Variants in FAM177B observed in about 807,000 individuals in gnomAD.
The protein encoded by FAM177B is family with sequence similarity 177 member B, also known as protein FAM177B.
FAM177B carries 16 observed loss-of-function variants against 16.1 expected under a neutral mutation model. The observed-to-expected ratio is 0.99, with a 90% CI of 0.67 to 1.51. The LOEUF (loss-of-function observed/expected upper bound fraction) is 1.51, where lower values mean the gene tolerates loss of function less well. Among genes scored for constraint, FAM177B ranks in the 40% most tolerant of loss-of-function variants. The pLI, the probability that FAM177B is intolerant of heterozygous loss-of-function variation, is 0.00. For missense variants in FAM177B, 178 were observed against 183.7 expected (o/e 0.97, Z 0.18); for synonymous variants, 56 against 59.9 (o/e 0.93, Z 0.30).
rs765237569 is a variant in FAM177B at position 222,749,452 on chromosome 1, T to C, written c.242-13T>C. On this transcript the variant is annotated splice_polypyrimidine_tract_variant and intron_variant, in intron 4 of 5. Coordinates refer to ENST00000445590, the MANE Select transcript of FAM177B (RefSeq NM_001394345.1). ...GTAATTCAGTTTACGCAAGTGCTCGTTCTTTCTTTTAGCATGTGAATTCCT... is the reference window on the plus strand; with the variant it reads ...GTAATTCAGTTTACGCAAGTGCTCGCTCTTTCTTTTAGCATGTGAATTCCT... The C allele has an allele frequency of 6.5e-7, 1 of 1,550,230 alleles. No homozygotes were observed. The highest frequency in any genetic ancestry group is 1.7e-5 in the Admixed American group (1 of 57,586).
At chr1:222,743,227 A>C (rs1168280457) in intron 2 of FAM177B, among the ~76,000 whole-genome samples, 2 of 152,122 alleles carry the variant, frequency 1.3e-5, no homozygotes, top group African/African-American at 4.8e-5. Context: ...GGCTCACTGC[A>C]ACCTCCACCT....
At chr1:222,747,828 A>G (rs1658869110) in intron 4 of FAM177B, among the ~76,000 whole-genome samples, 1 of 152,262 alleles carries the variant, frequency 6.6e-6, no homozygotes, top group Admixed American at 6.5e-5. Context: ...CCTGGGACAC[A>G]AAGATGAATG....
intron 2 of FAM177B, among the ~76,000 whole-genome samples, chr1:222,741,134 C>T (rs1658511006): frequency 2.1e-5 from 3 of 141,532 alleles, no homozygotes; most frequent in African/African-American, 7.9e-5. Context: ...TCTCAACTCA[C>T]TGCAACCTCC....
intron 2 of FAM177B, among the ~76,000 whole-genome samples, chr1:222,746,197 T>C (rs1457656461): frequency 1.4e-4 from 21 of 152,260 alleles, no homozygotes; most frequent in Non-Finnish European, 4.4e-5. Flanking sequence ...AACCATTTCC[T>C]TCATTGCTTC....
At position 222,746,636 on chromosome 1, in the gene FAM177B, G is replaced by A. The variant is rs768179396; in HGVS notation, c.91G>A (p.Gly31Arg). ...TPKRIIHFVD[G>R]DIMEEYSTEE... is the part of the protein sequence containing the mutation. ...TAAAAGGATTATCCATTTTGTTGAC[G>A]GAGACATCATGGAAGAATATAGCAC... Residue 31 changes from glycine to arginine, a missense_variant, in exon 3 of 6, where the codon GGA (glycine) becomes AGA (arginine). Coordinates refer to ENST00000445590, the MANE Select transcript of FAM177B (RefSeq NM_001394345.1). The A allele has an allele frequency of 9.3e-6, 15 of 1,612,992 alleles. No homozygotes were observed. The highest frequency in any genetic ancestry group is 2.2e-5 in the South Asian group (2 of 91,066).
At chr1:222,741,802 C>A (rs111949032) in intron 2 of FAM177B, among the ~76,000 whole-genome samples, 6 of 123,638 alleles carry the variant, frequency 4.9e-5, no homozygotes, top group African/African-American at 1.2e-4. Flanking sequence ...CTTTCTTTCT[C>A]TCTTTCTTTC....
chr1:222,749,134 T>G (rs1658932554), intron 4 of FAM177B: 28 of 463,324 alleles, frequency 6.0e-5, no homozygotes, highest in South Asian at 4.5e-4. Context: ...CCGGTATGCA[T>G]GGGGATAATG....
At position 222,747,087 on chromosome 1, in the gene FAM177B, T is replaced by C; in HGVS notation, c.241+6T>C. 1.9e-6 allele frequency: 3 copies of C among 1,590,058 alleles called. No individual in the cohort carries two copies. Among genetic ancestry groups the C allele is most frequent in the South Asian group, 1.1e-5 (1 of 90,608 alleles). ...AGCAAGCACCTCATTTTCTAGTAAG[T>C]ACTGCTAAGGTTATTTTTTTCTATC... On this transcript the variant is annotated splice_donor_region_variant and intron_variant, in intron 4 of 5. Coordinates refer to ENST00000445590, the MANE Select transcript of FAM177B (RefSeq NM_001394345.1).
chr1:222,741,815 CTTT>C (rs1658552184), intron 2 of FAM177B, among the ~76,000 whole-genome samples: 1 of 136,176 alleles, frequency 7.3e-6, no homozygotes, highest in Non-Finnish European at 1.6e-5. Flanking sequence ...TTTCTTTCTT[CTTT>C]CTTTCTTTTT....
At chr1:222,748,581 C>T (rs1216907735) in intron 4 of FAM177B, among the ~76,000 whole-genome samples, 4 of 152,052 alleles carry the variant, frequency 2.6e-5, no homozygotes, top group Admixed American at 1.3e-4. Context: ...GGAACTCAGA[C>T]GACACAGGTA....
intron 4 of FAM177B, 82 bp from the exon 5 acceptor site, chr1:222,749,383 T>C: frequency 1.3e-6 from 1 of 742,358 alleles, no homozygotes. Context: ...ACTATCAGAA[T>C]AGTTTAAACT....
intron 2 of FAM177B, among the ~76,000 whole-genome samples, chr1:222,742,227 A>C (rs573495587): frequency 4.3e-4 from 66 of 152,228 alleles, no homozygotes; most frequent in Middle Eastern, 3.4e-3. Context: ...ACTCCAACAT[A>C]AATTATACTG....
chr1:222,738,641 CCTGGG>C (rs1658393363), intron 2 of FAM177B, among the ~76,000 whole-genome samples: 2 of 150,202 alleles, frequency 1.3e-5, no homozygotes, highest in African/African-American at 2.5e-5. Context: ...ACCACTCCAG[CCTGGG>C]CAAAAGCAAG....
At chr1:222,743,243 G>T (rs993663422) in intron 2 of FAM177B, among the ~76,000 whole-genome samples, 1 of 152,066 alleles carries the variant, frequency 6.6e-6, no homozygotes, top group Non-Finnish European at 1.5e-5. Context: ...CACCTCCTGG[G>T]ATCAAACAAT....
At chr1:222,743,934 T>C (rs989812438) in intron 2 of FAM177B, among the ~76,000 whole-genome samples, 18 of 152,124 alleles carry the variant, frequency 1.2e-4, no homozygotes, top group Non-Finnish European at 1.8e-4. Context: ...CTCATACTTA[T>C]AGTTTTGTTC....
intron 4 of FAM177B, chr1:222,748,837 T>C (rs1358103946): frequency 5.8e-6 from 2 of 347,362 alleles, no homozygotes; most frequent in African/African-American, 2.2e-5. Context: ...AGTCCTATAA[T>C]TCAGGGGTAA....
intron 2 of FAM177B, among the ~76,000 whole-genome samples, chr1:222,740,352 C>A (rs1412425720): frequency 6.6e-6 from 1 of 152,050 alleles, no homozygotes; most frequent in Non-Finnish European, 1.5e-5. Context: ...ACTGACAGTC[C>A]ATTTGCATTT....
intron 2 of FAM177B, among the ~76,000 whole-genome samples, chr1:222,745,675 A>G (rs1658763037): frequency 6.6e-6 from 1 of 152,174 alleles, no homozygotes; most frequent in African/African-American, 2.4e-5. Context: ...TAATCCCAGC[A>G]CTTTGGAAGG....
chr1:222,747,372 A>G (rs113298904), intron 4 of FAM177B: 122 of 296,962 alleles, frequency 4.1e-4, no homozygotes, highest in African/African-American at 2.2e-3. Flanking sequence ...TGCCTCTTTC[A>G]TAGGACAGAG....
Sources: gnomAD v4.1 joint callset for allele counts (sites outside exome capture counted in the v4.1 genomes callset) on GRCh38, gnomAD v4.1.1 for gene constraint, MANE v1.5 for transcripts, NCBI Gene and HGNC (gene_info 2026-07-23, HGNC 2026-07-21) for gene names.